ABCD3: variants seen among roughly 807,000 people sequenced by gnomAD.
ABCD3 encodes the protein ATP binding cassette subfamily D member 3.
ABCD3 carries 41 observed loss-of-function variants against 105.5 expected under a neutral mutation model. The observed-to-expected ratio is 0.39, with a 90% CI of 0.30 to 0.50. The LOEUF (loss-of-function observed/expected upper bound fraction) is 0.50, where lower values mean the gene tolerates loss of function less well. ABCD3 is among the 20% of genes least tolerant of loss of function. The probability of loss-of-function intolerance (pLI) is 0.84; values close to 1 mark genes in which losing one functional copy is unlikely to be tolerated. For synonymous variants in ABCD3, 258 were observed against 269.0 expected (o/e 0.96, Z 0.40); for missense variants, 622 against 806.3 (o/e 0.77, Z 2.77).
chr1:94,461,412 G>A (rs1647862544), intron 2 of ABCD3, among the ~76,000 whole-genome samples: 1 of 151,920 alleles, frequency 6.6e-6, no homozygotes, highest in African/African-American at 2.4e-5. Context: ...TAAGTACTGT[G>A]CTGGGTTCAG....
At chr1:94,455,867 A>G in intron 1 of ABCD3, 1 of 1,235,842 alleles carries the variant, frequency 8.1e-7, no homozygotes, top group Non-Finnish European at 1.0e-6. Flanking sequence ...ATGAATCTCC[A>G]TTTATCTCTA....
intron 1 of ABCD3, among the ~76,000 whole-genome samples, chr1:94,456,855 A>G (rs1647597308): frequency 6.6e-6 from 1 of 152,150 alleles, no homozygotes; most frequent in African/African-American, 2.4e-5. Flanking sequence ...ACTAATTTAT[A>G]TTCTTCTCAA....
intron 1 of ABCD3, among the ~76,000 whole-genome samples, chr1:94,438,802 A>G (rs1363071206): frequency 1.3e-5 from 2 of 152,156 alleles, no homozygotes; most frequent in East Asian, 3.9e-4. Flanking sequence ...ACGTAATGTC[A>G]TTGGATACTT....
At chr1:94,497,768 A>G (rs1188525996) in intron 16 of ABCD3, among the ~76,000 whole-genome samples, 1 of 152,232 alleles carries the variant, frequency 6.6e-6, no homozygotes, top group Non-Finnish European at 1.5e-5. Flanking sequence ...GAGCAAAACA[A>G]AATGCAGATG....
the ABCD3 span, among the ~76,000 whole-genome samples, chr1:94,402,072 C>A: frequency 6.6e-6 from 1 of 152,180 alleles, no homozygotes; most frequent in South Asian, 2.1e-4. Flanking sequence ...GCTTATCTGT[C>A]TCCTTTCACT....
chr1:94,517,230 A>T lies in ABCD3; in HGVS notation c.*101A>T, dbSNP rs11165154. On this transcript the variant is annotated 3_prime_UTR_variant, in exon 23 of 23. Coordinates refer to ENST00000370214, the MANE Select transcript of ABCD3 (RefSeq NM_002858.4). ...ATAAAGTTGAGCTTAGTTTTTTTTAAAAAAAAAAACAAAGCAACAAATTAA... is the reference window on the plus strand; with the variant it reads ...ATAAAGTTGAGCTTAGTTTTTTTTATAAAAAAAAACAAAGCAACAAATTAA... The T allele has an allele frequency of 2.6e-3, 2,259 of 864,864 alleles. 29 individuals carry two copies. The African/African-American group carries it at 0.027, about 10-fold the overall frequency. 53.6% of individuals were successfully genotyped at this position (864,864 alleles called of 1,614,324 possible).
the ABCD3 span, among the ~76,000 whole-genome samples, chr1:94,387,793 C>T: frequency 1.9e-3 from 291 of 152,314 alleles, no homozygotes; most frequent in African/African-American, 6.8e-3. Flanking sequence ...ATTTGAATAA[C>T]AGCAGCAGCA....
intron 21 of ABCD3, chr1:94,514,887 A>G: frequency 2.3e-6 from 1 of 428,638 alleles, no homozygotes; most frequent in Non-Finnish European, 4.2e-6. Context: ...AAAATAGGAG[A>G]CATGATAGGA....
intron 1 of ABCD3, among the ~76,000 whole-genome samples, chr1:94,446,704 G>A (rs187233355): frequency 1.9e-3 from 284 of 152,202 alleles, no homozygotes; most frequent in Middle Eastern, 3.4e-3. Context: ...ATACAGGAGC[G>A]GACATTTCAA....
intron 1 of ABCD3, among the ~76,000 whole-genome samples, chr1:94,451,795 G>T (rs1395447124): frequency 6.6e-6 from 1 of 151,978 alleles, no homozygotes; most frequent in Non-Finnish European, 1.5e-5. Context: ...AGTCACCCAG[G>T]GTGCAATCTG....
chr1:94,508,472 C>T (rs1276140271), intron 21 of ABCD3, among the ~76,000 whole-genome samples: 1 of 151,616 alleles, frequency 6.6e-6, no homozygotes, highest in Admixed American at 6.6e-5. Context: ...CTTGGCGATG[C>T]GTGCTCTTTT....
chr1:94,463,803 G>A (rs945566630), intron 2 of ABCD3, among the ~76,000 whole-genome samples: 1 of 152,168 alleles, frequency 6.6e-6, no homozygotes, highest in East Asian at 1.9e-4. Flanking sequence ...CTCACAGTAA[G>A]CTCTCAATCT....
chr1:94,510,479 G>A (rs1422740742), intron 21 of ABCD3, among the ~76,000 whole-genome samples: 1 of 152,192 alleles, frequency 6.6e-6, no homozygotes, highest in Non-Finnish European at 1.5e-5. Context: ...GATTTGGGGT[G>A]GAGAGTTCTG....
intron 10 of ABCD3, among the ~76,000 whole-genome samples, chr1:94,486,996 AGTT>A (rs1450125464): frequency 6.6e-6 from 1 of 152,214 alleles, no homozygotes; most frequent in Non-Finnish European, 1.5e-5. Flanking sequence ...TTAGACTTGT[AGTT>A]TTAAGACAAT....
chr1:94,396,794 G>C, the ABCD3 span, among the ~76,000 whole-genome samples: 1 of 152,090 alleles, frequency 6.6e-6, no homozygotes, highest in Non-Finnish European at 1.5e-5. Context: ...GGAATGAAAT[G>C]GTTCCCTGGC....
intron 8 of ABCD3, chr1:94,478,708 G>A (rs1570798065): frequency 2.1e-6 from 2 of 954,998 alleles, no homozygotes; most frequent in East Asian, 5.8e-5. Context: ...TAAAACAGAA[G>A]TTCTTAAACC....
chr1:94,416,443 C>T (rs1570720626), upstream of ABCD3, among the ~76,000 whole-genome samples: 1 of 152,140 alleles, frequency 6.6e-6, no homozygotes, highest in South Asian at 2.1e-4. Context: ...TCTCTAACAG[C>T]CTCTGGAGAA....
chr1:94,497,221 G>T (rs954475950), intron 16 of ABCD3, among the ~76,000 whole-genome samples: 1 of 151,856 alleles, frequency 6.6e-6, no homozygotes, highest in African/African-American at 2.4e-5. Context: ...ATTCTTTATT[G>T]TATGTCTCTT....
At chr1:94,426,289 GAC>G (rs1489321819) in intron 1 of ABCD3, among the ~76,000 whole-genome samples, 2 of 152,088 alleles carry the variant, frequency 1.3e-5, no homozygotes, top group South Asian at 2.1e-4. Context: ...TCCTGAATAT[GAC>G]AGTCTTTATT....
Sources: allele counts gnomAD v4.1 joint callset (sites outside exome capture counted in the v4.1 genomes callset), GRCh38; gene constraint gnomAD v4.1.1; transcripts MANE v1.5; gene names NCBI Gene and HGNC (gene_info 2026-07-23, HGNC 2026-07-21).